Variants in WDR48 observed in about 807,000 individuals in gnomAD.
WDR48 encodes WD repeat domain 48, also known as WD repeat-containing protein 48.
Under a neutral mutation model 94.0 loss-of-function variants are expected in WDR48, and 22 were observed. That is an observed-to-expected ratio of 0.23 (90% CI 0.17 to 0.33). The LOEUF (loss-of-function observed/expected upper bound fraction) is 0.33, where lower values mean the gene tolerates loss of function less well. Among genes scored for constraint, WDR48 ranks in the 10% least tolerant of loss-of-function variants. The pLI, the probability that WDR48 is intolerant of heterozygous loss-of-function variation, is 1.00. For missense variants in WDR48, 541 were observed against 813.8 expected (o/e 0.66, Z 4.08); for synonymous variants, 278 against 280.5 (o/e 0.99, Z 0.09).
chr3:39,077,553 G>A (rs2034293862), intron 9 of WDR48, among the ~76,000 whole-genome samples: 1 of 152,138 alleles, frequency 6.6e-6, no homozygotes, highest in South Asian at 2.1e-4. Context: ...GTACCAACAA[G>A]GCAGGGAAAC....
At chr3:39,064,970 C>T (rs1240596004) in intron 2 of WDR48, among the ~76,000 whole-genome samples, 19 of 152,178 alleles carry the variant, frequency 1.2e-4, no homozygotes, top group Admixed American at 6.5e-4. Context: ...AAAGAACTAA[C>T]CTGAAGAATC....
chr3:39,070,687 C>CTTTTT (rs34204168), intron 7 of WDR48, among the ~76,000 whole-genome samples: 3 of 133,312 alleles, frequency 2.3e-5, no homozygotes, highest in Non-Finnish European at 3.3e-5. Flanking sequence ...TGTGAAGGAT[C>CTTTTT]TTTTTTTTTT....
rs1480374412 is a variant in WDR48 at position 39,096,633 on chromosome 3, A to G, written c.*1890A>G. 1 of 152,234 alleles carries G rather than the reference A, an allele frequency of 6.6e-6. No individual in the cohort carries two copies. Among genetic ancestry groups the G allele is most frequent in the Non-Finnish European group, 1.5e-5 (1 of 68,046 alleles). 9.4% of individuals were successfully genotyped at this position (152,234 alleles called of 1,614,324 possible). On this transcript the variant is annotated 3_prime_UTR_variant, in exon 19 of 19. Transcript: ENST00000302313. ...AAAAGGGTAAAAATCTGTATTTCAC[A>G]GTTGTATAGAATAAAGGCTTTAGTT...
rs781759881 is a variant in WDR48 at position 39,088,186 on chromosome 3, A to G, written c.1533A>G (p.Pro511=). The G allele has an allele frequency of 3.1e-6, 5 of 1,614,218 alleles. No homozygotes were observed. The Admixed American group carries it at 5.0e-5, about 16-fold the overall frequency. The change falls in exon 15 of 19, where the codon CCA becomes CCG. Residue 511 remains proline (P), a synonymous_variant. Coordinates refer to ENST00000302313, the MANE Select transcript of WDR48 (RefSeq NM_020839.4). The part of the protein sequence containing the change: ...QKGNGYFQVP[P]HTPVIFGEAG... Reference sequence around the variant, plus strand: ...GAAATGGATATTTTCAAGTGCCCCCACATACACCCGTGATCTTTGGTGAAG... The same window carrying G: ...GAAATGGATATTTTCAAGTGCCCCCGCATACACCCGTGATCTTTGGTGAAG...
chr3:39,073,916 A>G (rs1005788202), intron 7 of WDR48, among the ~76,000 whole-genome samples: 13 of 152,226 alleles, frequency 8.5e-5, no homozygotes, highest in African/African-American at 2.4e-4. Context: ...GGTGTAACCC[A>G]GGACTTCAAA....
Position 39,066,648 on chromosome 3 carries a change from TCA to T in WDR48, c.351+19_351+20del, listed in dbSNP as rs749376362. The T allele has an allele frequency of 8.1e-6, 13 of 1,613,634 alleles. No homozygotes were observed. The South Asian group carries it at 1.4e-4, about 18-fold the overall frequency. On this transcript the variant is annotated intron_variant, in intron 4 of 18. Coordinates refer to ENST00000302313, the MANE Select transcript of WDR48 (RefSeq NM_020839.4). ...CACATAAGGTAAAACAATACAGTTC[TCA>T]GTGTCTTTAGTGTAATATTGGGATC...
chr3:39,067,357 T>C (rs758922837), intron 5 of WDR48, among the ~76,000 whole-genome samples: 10 of 152,172 alleles, frequency 6.6e-5, no homozygotes, highest in Non-Finnish European at 1.3e-4. Flanking sequence ...CCAGTGCCAG[T>C]TTATCAAATT....
At chr3:39,080,666 T>C (rs1002442584) in intron 11 of WDR48, among the ~76,000 whole-genome samples, 1 of 152,254 alleles carries the variant, frequency 6.6e-6, no homozygotes, top group East Asian at 1.9e-4. Context: ...GAAAACCTTA[T>C]AGATAAAGAA....
At chr3:39,081,048 G>A (rs1335723095) in intron 11 of WDR48, among the ~76,000 whole-genome samples, 1 of 152,154 alleles carries the variant, frequency 6.6e-6, no homozygotes, top group Non-Finnish European at 1.5e-5. Context: ...CTCATGTTGA[G>A]GGCAGTAGTT....
intron 1 of WDR48, among the ~76,000 whole-genome samples, chr3:39,053,165 C>CTAA (rs2032590570): frequency 6.6e-6 from 1 of 152,190 alleles, no homozygotes; most frequent in African/African-American, 2.4e-5. Context: ...TTACCTAGCA[C>CTAA]TTAGGGTGGC....
At chr3:39,091,994 A>G (rs2035095828) in intron 17 of WDR48, among the ~76,000 whole-genome samples, 1 of 152,196 alleles carries the variant, frequency 6.6e-6, no homozygotes, top group Admixed American at 6.5e-5. Flanking sequence ...CAACGTAGTG[A>G]GACTCCTGTC....
In WDR48 at chr3:39,052,025, G is replaced by C. The variant is rs145086991; in HGVS notation, c.-1G>C. The C allele has an allele frequency of 1.3e-5, 21 of 1,613,782 alleles. No individual in the cohort carries two copies. Among genetic ancestry groups the C allele is most frequent in the Non-Finnish European group, 9.3e-6 (11 of 1,179,950 alleles). On this transcript the variant is annotated 5_prime_UTR_variant, in exon 1 of 19. Transcript: ENST00000302313. ...GTGACGTCGGAGTGTCAACATGCAA[G>C]ATGGCGGCCCATCACCGGCAGAACA...
intron 1 of WDR48, among the ~76,000 whole-genome samples, chr3:39,060,438 G>GCACA (rs1201343918): frequency 5.1e-5 from 7 of 137,516 alleles, no homozygotes; most frequent in African/African-American, 1.9e-4. Flanking sequence ...ATATATATAT[G>GCACA]CACACACACA....
chr3:39,062,284 T>C (rs1425763023), intron 1 of WDR48, among the ~76,000 whole-genome samples: 1 of 152,204 alleles, frequency 6.6e-6, no homozygotes. Flanking sequence ...TTTTAACTGT[T>C]TATTTCATTA....
At chr3:39,068,886 A>AG in intron 6 of WDR48, 27 bp downstream of exon 6, 1 of 1,079,978 alleles carries the variant, frequency 9.3e-7, no homozygotes, top group Admixed American at 2.7e-5. Context: ...TTCTTTATTT[A>AG]AAAAAAAAAA....
At chr3:39,058,869 GT>G (rs74648117) in intron 1 of WDR48, among the ~76,000 whole-genome samples, 5,305 of 152,194 alleles carry the variant, frequency 0.035, 190 homozygotes, top group East Asian at 0.16. Context: ...AAGGTCAGGA[GT>G]TTAAGACCAG....
chr3:39,057,409 T>G (rs1289042738), intron 1 of WDR48, among the ~76,000 whole-genome samples: 2 of 152,216 alleles, frequency 1.3e-5, no homozygotes, highest in African/African-American at 2.4e-5. Context: ...GGGAGTCTTA[T>G]CCAGACAGTA....
At chr3:39,080,765 C>T (rs902254672) in intron 11 of WDR48, among the ~76,000 whole-genome samples, 2 of 152,032 alleles carry the variant, frequency 1.3e-5, no homozygotes, top group African/African-American at 4.8e-5. Flanking sequence ...TAAAGGTTTC[C>T]AGTAGATGCA....
intron 10 of WDR48, among the ~76,000 whole-genome samples, chr3:39,079,029 C>CAAAA (rs566314334): frequency 3.0e-5 from 3 of 101,302 alleles, no homozygotes; most frequent in African/African-American, 6.7e-5. Flanking sequence ...GACTCCGTCT[C>CAAAA]AAAAAAAAAA....
Sources: allele counts gnomAD v4.1 joint callset (sites outside exome capture counted in the v4.1 genomes callset), GRCh38; gene constraint gnomAD v4.1.1; transcripts MANE v1.5; gene names NCBI Gene and HGNC (gene_info 2026-07-23, HGNC 2026-07-21).